Variants in KCNJ12 observed in about 807,000 individuals in gnomAD.
KCNJ12 encodes potassium inwardly rectifying channel subfamily J member 12.
A neutral mutation model predicts 22.3 loss-of-function variants in KCNJ12; 2 were observed. That is an observed-to-expected ratio of 0.09 (90% confidence interval 0.04 to 0.28). KCNJ12 has a LOEUF of 0.28. Ranked by LOEUF, KCNJ12 falls within the 10% of genes least tolerant of loss-of-function variation. The pLI, the probability that KCNJ12 is intolerant of heterozygous loss-of-function variation, is 1.00. For synonymous variants in KCNJ12, 117 were observed against 261.4 expected (o/e 0.45, Z 5.33); for missense variants, 155 against 633.3 (o/e 0.24, Z 8.11).
intron 1 of KCNJ12, among the ~76,000 whole-genome samples, chr17:21,401,570 A>T (rs1360720288): frequency 5.6e-4 from 85 of 152,286 alleles, no homozygotes; most frequent in Non-Finnish European, 1.0e-3. Flanking sequence ...TTCCCAAGCT[A>T]TGGGGCCTCT....
At position 21,403,987 on chromosome 17, in the gene KCNJ12, C is replaced by T. The variant is rs375428435; in HGVS notation, c.-178-4532C>T. ...TTGCCTTTGGGATCAAGTCTAGGCT[C>T]ATTAATATGACATCCGAGGCCTCCT... On this transcript the variant is annotated intron_variant, in intron 1 of 2. Transcript: ENST00000583088. 4.7e-3 allele frequency among the ~76,000 whole-genome samples: 714 copies of T among 152,374 alleles called. 1 individual carries two copies. The highest frequency in any genetic ancestry group is 0.016 in the African/African-American group (659 of 41,590).
chr17:21,398,701 A>G (rs1175405461), intron 1 of KCNJ12, among the ~76,000 whole-genome samples: 2 of 152,184 alleles, frequency 1.3e-5, no homozygotes, highest in East Asian at 3.8e-4. Context: ...TTGACTCAAG[A>G]TCTGTTTCTG....
intron 2 of KCNJ12, among the ~76,000 whole-genome samples, chr17:21,409,394 A>G (rs1212695000): frequency 2.6e-5 from 4 of 152,306 alleles, no homozygotes; most frequent in Non-Finnish European, 2.9e-5. Flanking sequence ...TGGAGACCCT[A>G]TGAGGAAGGC....
rs114869623 is a variant in KCNJ12 at position 21,381,489 on chromosome 17, C to T, written c.-179+4576C>T. Among the ~76,000 whole-genome samples, 441 of 152,126 alleles carry T rather than the reference C, an allele frequency of 2.9e-3. 1 individual carries two copies. The highest frequency in any genetic ancestry group is 9.4e-3 in the African/African-American group (388 of 41,488). On this transcript the variant is annotated intron_variant, in intron 1 of 2. Transcript: ENST00000583088. Reference sequence around the variant, plus strand: ...GACTCTTGCTCCCTCCCCGGGGCCACGCTCCTGCTTGCCTTGCTGTGCTTC... The same window carrying T: ...GACTCTTGCTCCCTCCCCGGGGCCATGCTCCTGCTTGCCTTGCTGTGCTTC...
intron 1 of KCNJ12, among the ~76,000 whole-genome samples, chr17:21,408,217 A>G (rs1219970968): frequency 6.6e-6 from 1 of 152,296 alleles, no homozygotes; most frequent in Non-Finnish European, 1.5e-5. Context: ...TGTGAGGATT[A>G]TGTGAGATGA....
chr17:21,402,506 C>G (rs7215659), intron 1 of KCNJ12, among the ~76,000 whole-genome samples: 3 of 152,310 alleles, frequency 2.0e-5, no homozygotes, highest in Non-Finnish European at 4.4e-5. Flanking sequence ...CAGATCTGAA[C>G]TGTAAATGGG....
At chr17:21,378,583 T>G (rs1904755193) in intron 1 of KCNJ12, among the ~76,000 whole-genome samples, 1 of 152,068 alleles carries the variant, frequency 6.6e-6, no homozygotes, top group Non-Finnish European at 1.5e-5. Flanking sequence ...GGAGGGTGGC[T>G]CCAGTGTGCT....
intron 1 of KCNJ12, among the ~76,000 whole-genome samples, chr17:21,392,711 A>C (rs974378515): frequency 6.6e-6 from 1 of 151,962 alleles, no homozygotes; most frequent in Non-Finnish European, 1.5e-5. Flanking sequence ...TGGGTTGTCT[A>C]AATGGCAGAC....
intron 2 of KCNJ12, among the ~76,000 whole-genome samples, chr17:21,411,025 C>A (rs1412824928): frequency 3.9e-5 from 6 of 152,302 alleles, no homozygotes; most frequent in Non-Finnish European, 7.3e-5. Flanking sequence ...GGCGCCTCCC[C>A]CTCCGAGTCC....
chr17:21,385,288 T>C (rs1302203443), intron 1 of KCNJ12, among the ~76,000 whole-genome samples: 1 of 152,332 alleles, frequency 6.6e-6, no homozygotes. Flanking sequence ...GGATCAGATA[T>C]ACCTGGTGCC....
chr17:21,402,432 C>T (rs1332336032), intron 1 of KCNJ12, among the ~76,000 whole-genome samples: 43 of 152,284 alleles, frequency 2.8e-4, no homozygotes, highest in Non-Finnish European at 4.9e-4. Flanking sequence ...GGGCAGACGC[C>T]GCTGAGCGTG....
At chr17:21,384,296 A>T (rs539958492) in intron 1 of KCNJ12, among the ~76,000 whole-genome samples, 1 of 152,162 alleles carries the variant, frequency 6.6e-6, no homozygotes, top group Non-Finnish European at 1.5e-5. Flanking sequence ...TCTTTGTGGC[A>T]TCTGAATGCA....
chr17:21,407,862 A>ACCCATC (rs1906064357), intron 1 of KCNJ12, among the ~76,000 whole-genome samples: 1 of 147,584 alleles, frequency 6.8e-6, no homozygotes, highest in Admixed American at 6.7e-5. Flanking sequence ...ATCCACCCTC[A>ACCCATC]CACCCAACCA....
chr17:21,408,840 CT>C (rs1471934442), intron 2 of KCNJ12, among the ~76,000 whole-genome samples, 200 bp downstream of exon 2: 1 of 152,268 alleles, frequency 6.6e-6, no homozygotes, highest in Non-Finnish European at 1.5e-5. Flanking sequence ...CCATCCGTTC[CT>C]CACCCATTCC....
intron 1 of KCNJ12, among the ~76,000 whole-genome samples, chr17:21,378,039 G>A (rs1486539813): frequency 6.6e-6 from 1 of 152,262 alleles, no homozygotes; most frequent in Non-Finnish European, 1.5e-5. Flanking sequence ...CTCCGTCTCC[G>A]AGAGCGCCGA....
intron 2 of KCNJ12, among the ~76,000 whole-genome samples, chr17:21,411,155 C>T (rs1178304701): frequency 6.6e-6 from 1 of 152,306 alleles, no homozygotes; most frequent in Non-Finnish European, 1.5e-5. Context: ...TCACCGAAAC[C>T]TGAGAAGCCC....
At chr17:21,398,008 G>A (rs1403506720) in intron 1 of KCNJ12, among the ~76,000 whole-genome samples, 2 of 151,984 alleles carry the variant, frequency 1.3e-5, no homozygotes, top group African/African-American at 2.4e-5. Flanking sequence ...CTCTTGCCCC[G>A]TTGCCAAGGT....
chr17:21,400,394 G>A, intron 1 of KCNJ12, among the ~76,000 whole-genome samples: 1 of 152,304 alleles, frequency 6.6e-6, no homozygotes, highest in Non-Finnish European at 1.5e-5. Flanking sequence ...CTCCTCCCGG[G>A]TGGTCACACA....
intron 2 of KCNJ12, among the ~76,000 whole-genome samples, chr17:21,412,618 C>T (rs1597581346): frequency 6.6e-6 from 1 of 152,422 alleles, no homozygotes; most frequent in African/African-American, 2.4e-5. Context: ...CCCTTCCCAG[C>T]ACAGCCTCAG....
Sources: gnomAD v4.1 joint callset for allele counts (sites outside exome capture counted in the v4.1 genomes callset) on GRCh38, gnomAD v4.1.1 for gene constraint, MANE v1.5 for transcripts, NCBI Gene and HGNC (gene_info 2026-07-23, HGNC 2026-07-21) for gene names.